FAM120A: variants seen among roughly 807,000 people sequenced by gnomAD.
The protein encoded by FAM120A is constitutive coactivator of PPAR-gamma-like protein 1.
Under a neutral mutation model 109.7 loss-of-function variants are expected in FAM120A, and 15 were observed. The observed-to-expected ratio is 0.14, with a 90% confidence interval of 0.09 to 0.21. The LOEUF is 0.21. Ranked by LOEUF, FAM120A falls within the 10% of genes least tolerant of loss-of-function variation. The pLI is 1.00. For missense variants in FAM120A, 899 were observed against 1,439.3 expected, an observed-to-expected ratio of 0.62 and a Z score of 6.07; for synonymous variants, 493 against 572.8, an observed-to-expected ratio of 0.86 and a Z score of 1.99.
At chr9:93,511,614 T>C (rs1415752113) in intron 5 of FAM120A, among the ~76,000 whole-genome samples, 1 of 152,258 alleles carries the variant, frequency 6.6e-6, no homozygotes, top group Non-Finnish European at 1.5e-5. Flanking sequence ...ACTATTGAGA[T>C]TTAGTAAACA....
chr9:93,530,044 A>C, intron 9 of FAM120A: 1 of 229,440 alleles, frequency 4.4e-6, no homozygotes, highest in African/African-American at 2.3e-5. Context: ...TCATGACCTC[A>C]TTGAGTGCAG....
In FAM120A at chr9:93,498,683, C is replaced by T. The variant is rs1859677988; in HGVS notation, c.934-107C>T. 1 of 750,992 alleles carries T rather than the reference C, an allele frequency of 1.3e-6. No homozygotes were observed. Among genetic ancestry groups the T allele is most frequent in the Non-Finnish European group, 2.4e-6 (1 of 423,092 alleles). 46.5% of individuals were successfully genotyped at this position (750,992 alleles called of 1,614,324 possible). On this transcript the variant is annotated intron_variant, in intron 4 of 17. Transcript: ENST00000277165. This position sits in a 1 kb window ranked among gnomAD's most constrained non-coding sequence, Gnocchi z 4.4. ...AATGTCATTCAAAATTCTTCTCTAA[C>T]TTGAAAAGCTGTAGAATATTATACA... is the stretch of plus-strand genomic sequence containing the variant.
intron 3 of FAM120A, among the ~76,000 whole-genome samples, chr9:93,489,088 A>G (rs1230251260): frequency 6.6e-6 from 1 of 152,168 alleles, no homozygotes; most frequent in East Asian, 1.9e-4. Context: ...TGGAAGAAAA[A>G]GGAATTCACC....
At chr9:93,484,070 C>G (rs1162396330) in intron 3 of FAM120A, among the ~76,000 whole-genome samples, 2 of 150,380 alleles carry the variant, frequency 1.3e-5, no homozygotes, top group African/African-American at 4.9e-5. Flanking sequence ...GGGTCTTGCT[C>G]TGTTGCTCAG....
intron 2 of FAM120A, among the ~76,000 whole-genome samples, chr9:93,474,964 T>C (rs1481133946): frequency 6.6e-6 from 1 of 152,206 alleles, no homozygotes; most frequent in Non-Finnish European, 1.5e-5. Context: ...CCAGCAAACC[T>C]GAGCAGTTAC....
At chr9:93,467,462 G>A (rs1057514701) in intron 1 of FAM120A, among the ~76,000 whole-genome samples, 2 of 152,136 alleles carry the variant, frequency 1.3e-5, no homozygotes, top group African/African-American at 4.8e-5. Context: ...TGGTTGTTGG[G>A]GAGGTTGTCC....
chr9:93,464,368 G>A lies in FAM120A; in HGVS notation c.475-6773G>A, dbSNP rs546668865. On this transcript the variant is annotated intron_variant, in intron 1 of 17. Coordinates refer to ENST00000277165, the MANE Select transcript of FAM120A (RefSeq NM_014612.5). ...TGGCATAAAGTTATCATTGTAAATC[G>A]AAGTACAGAGTACTTTCTTGAGACC... 2.6e-5 allele frequency among the ~76,000 whole-genome samples: 4 copies of A among 152,228 alleles called. No individual in the cohort carries two copies. The South Asian group carries it at 8.3e-4, about 32-fold the overall frequency.
intron 10 of FAM120A, among the ~76,000 whole-genome samples, chr9:93,534,641 A>G (rs1382130999): frequency 6.6e-6 from 1 of 152,096 alleles, no homozygotes; most frequent in Non-Finnish European, 1.5e-5. Flanking sequence ...CCTTCTTTTT[A>G]AGGATGGGAG....
At chr9:93,497,669 G>A (rs1859631765) in intron 4 of FAM120A, 70 bp downstream of exon 4, 2 of 1,515,170 alleles carry the variant, frequency 1.3e-6, no homozygotes, top group African/African-American at 2.8e-5. Flanking sequence ...GGTGTGGCCA[G>A]GTTTGGAAGA....
intron 1 of FAM120A, among the ~76,000 whole-genome samples, chr9:93,469,403 T>A (rs143389970): frequency 4.6e-5 from 7 of 152,364 alleles, no homozygotes; most frequent in African/African-American, 1.7e-4. Flanking sequence ...GAGTGGTCAC[T>A]TACTGTCTCC....
chr9:93,519,605 C>T (rs748986300), intron 7 of FAM120A, among the ~76,000 whole-genome samples: 1 of 152,142 alleles, frequency 6.6e-6, no homozygotes, highest in Non-Finnish European at 1.5e-5. Flanking sequence ...AGATGCATAG[C>T]AAGGTGTGAC....
Position 93,451,758 on chromosome 9 carries a change from C to A in FAM120A, c.-158C>A. The A allele has an allele frequency of 1.0e-6, 1 of 982,858 alleles. No homozygotes were observed. The highest frequency in any genetic ancestry group is 1.2e-6 in the Non-Finnish European group (1 of 829,974). 60.9% of individuals were successfully genotyped at this position (982,858 alleles called of 1,614,324 possible). A position where few individuals can be genotyped will look rare whatever the true frequency, so the allele number is the denominator to read the frequency against. ...GACATGGCCCTGGGAGGCGGCAGCA[C>A]ATGGCGGCCGCGGCGGCCATGAGCG... On this transcript the variant is annotated 5_prime_UTR_variant, in exon 1 of 18. Transcript: ENST00000277165.
At chr9:93,478,020 T>C (rs1338540506) in intron 3 of FAM120A, among the ~76,000 whole-genome samples, 2 of 152,250 alleles carry the variant, frequency 1.3e-5, no homozygotes, top group Admixed American at 6.5e-5. Context: ...AAAAACTATT[T>C]GGAAGTAAGT....
chr9:93,488,420 T>C (rs939096513), intron 3 of FAM120A, among the ~76,000 whole-genome samples: 15 of 151,988 alleles, frequency 9.9e-5, no homozygotes, highest in Non-Finnish European at 4.4e-5. Flanking sequence ...CACATGTCAG[T>C]GTTCTGTAGT....
intron 1 of FAM120A, among the ~76,000 whole-genome samples, chr9:93,454,288 A>G (rs6479484): frequency 0.55 from 83,991 of 152,098 alleles, 23,946 homozygotes; most frequent in African/African-American, 0.68. Flanking sequence ...ATATTGTAAT[A>G]ACTCAATTAC....
At chr9:93,544,985 CAG>C (rs1861830528) in intron 11 of FAM120A, among the ~76,000 whole-genome samples, 1 of 152,206 alleles carries the variant, frequency 6.6e-6, no homozygotes, top group Non-Finnish European at 1.5e-5. Flanking sequence ...AGCATGAACT[CAG>C]AGCCTCTTGT....
At chr9:93,561,323 G>C in intron 16 of FAM120A, 73 bp downstream of exon 16, 1 of 1,403,062 alleles carries the variant, frequency 7.1e-7, no homozygotes. Flanking sequence ...TTTTTTGGAA[G>C]TTTAAGTAGG....
chr9:93,453,709 C>T (rs1007409556), intron 1 of FAM120A: 28 of 864,512 alleles, frequency 3.2e-5, no homozygotes, highest in Non-Finnish European at 3.8e-5. Flanking sequence ...GCTGCCATTC[C>T]TCAGGGAAGT....
At chr9:93,553,447 A>G (rs1862175481) in intron 12 of FAM120A, among the ~76,000 whole-genome samples, 1 of 152,248 alleles carries the variant, frequency 6.6e-6, no homozygotes, top group Non-Finnish European at 1.5e-5. Flanking sequence ...GCATATAGGT[A>G]AATATGACAA....
Sources: allele counts gnomAD v4.1 joint callset (sites outside exome capture counted in the v4.1 genomes callset), GRCh38; gene constraint gnomAD v4.1.1; non-coding constraint Gnocchi (gnomAD v3.1); transcripts MANE v1.5; gene names NCBI Gene and HGNC (gene_info 2026-07-23, HGNC 2026-07-21).